Variants in EFHD1 observed in about 807,000 individuals in gnomAD.
The protein encoded by EFHD1 is EF-hand domain family member D1.
A neutral mutation model predicts 17.2 loss-of-function variants in EFHD1; 10 were observed. The ratio of observed to expected loss-of-function variants is 0.58; its 90% confidence interval spans 0.36 to 0.99. The LOEUF (loss-of-function observed/expected upper bound fraction) is 0.99, where lower values mean the gene tolerates loss of function less well. Ranked by LOEUF, EFHD1 falls within the 50% of genes least tolerant of loss-of-function variation. The pLI is 0.01. For synonymous variants in EFHD1, 153 were observed against 142.0 expected, an observed-to-expected ratio of 1.08 and a Z score of -0.55; for missense variants, 310 against 327.5, an observed-to-expected ratio of 0.95 and a Z score of 0.41.
intron 2 of EFHD1, among the ~76,000 whole-genome samples, chr2:232,663,381 TA>T (rs1242877448): frequency 6.6e-6 from 1 of 152,182 alleles, no homozygotes; most frequent in Non-Finnish European, 1.5e-5. Flanking sequence ...TTATTTTTAT[TA>T]TTATTTTTTG....
chr2:232,674,653 T>C (rs571564227), intron 3 of EFHD1, among the ~76,000 whole-genome samples: 6 of 152,306 alleles, frequency 3.9e-5, no homozygotes, highest in Non-Finnish European at 7.3e-5. Context: ...ATGATATCTT[T>C]GTAATTACAG....
At chr2:232,680,088 C>T (rs908506456) in intron 3 of EFHD1, among the ~76,000 whole-genome samples, 8 of 151,968 alleles carry the variant, frequency 5.3e-5, no homozygotes, top group South Asian at 4.2e-4. Context: ...GCCCGGGCAA[C>T]GTGGTAAAAC....
chr2:232,624,303 C>T (rs369620565), intron 1 of EFHD1, among the ~76,000 whole-genome samples: 17 of 152,340 alleles, frequency 1.1e-4, no homozygotes, highest in African/African-American at 3.4e-4. Flanking sequence ...CCCCCAGCCC[C>T]AGCTTGCCCC....
At chr2:232,659,409 GTGGC>G (rs1694817861) in intron 1 of EFHD1, among the ~76,000 whole-genome samples, 1 of 152,194 alleles carries the variant, frequency 6.6e-6, no homozygotes, top group Admixed American at 6.5e-5. Context: ...GGGGAAGCAG[GTGGC>G]TCCCTGAGCT....
chr2:232,641,676 G>C (rs1470482865), intron 1 of EFHD1, among the ~76,000 whole-genome samples: 1 of 152,248 alleles, frequency 6.6e-6, no homozygotes, highest in Non-Finnish European at 1.5e-5. Context: ...GTAACACTTG[G>C]TGAGCATGAT....
At chr2:232,671,127 G>A (rs1033347134) in intron 2 of EFHD1, among the ~76,000 whole-genome samples, 2 of 152,086 alleles carry the variant, frequency 1.3e-5, no homozygotes, top group African/African-American at 4.8e-5. Context: ...CTTATTTTCA[G>A]TAAACATTTC....
rs1450482859 is a variant in EFHD1 at position 232,613,703 on chromosome 2, CATACACACACAAAT to C, written c.14+7542_14+7555del. ...ACACACATACACAAATATACACACA[CATACACACACAAAT>C]ATACACACACATATACGCACACACA... On this transcript the variant is annotated intron_variant, in intron 1 of 3. Coordinates refer to the EFHD1 transcript ENST00000409613. 4.3e-5 allele frequency among the ~76,000 whole-genome samples: 5 copies of C among 115,342 alleles called. No homozygotes were observed. In the East Asian group the frequency reaches 7.9e-4, roughly 18 times the overall value. The allele number at this position is 115,342 out of a possible 152,430, so 75.7% of individuals were successfully genotyped here. A position where few individuals can be genotyped will look rare whatever the true frequency, so the allele number is the denominator to read the frequency against.
chr2:232,665,968 T>A (rs997353820), intron 2 of EFHD1, among the ~76,000 whole-genome samples: 1 of 152,202 alleles, frequency 6.6e-6, no homozygotes, highest in African/African-American at 2.4e-5. Flanking sequence ...ATTACAGGCA[T>A]GAGCCCCCAC....
intron 1 of EFHD1, among the ~76,000 whole-genome samples, chr2:232,627,129 G>A (rs1398401580): frequency 6.8e-6 from 1 of 147,228 alleles, no homozygotes; most frequent in African/African-American, 2.5e-5. Context: ...TACTAGGGAG[G>A]CTGAGGTAGG....
At chr2:232,634,449 A>C (rs1049361954) in intron 1 of EFHD1, among the ~76,000 whole-genome samples, 2 of 152,258 alleles carry the variant, frequency 1.3e-5, no homozygotes, top group African/African-American at 4.8e-5. Context: ...GGGGAAAGTT[A>C]ATCCTTGGCT....
upstream of EFHD1, among the ~76,000 whole-genome samples, chr2:232,632,649 A>G (rs984725072): frequency 1.3e-5 from 2 of 151,970 alleles, no homozygotes; most frequent in Non-Finnish European, 2.9e-5. Context: ...TTTTAGAGCC[A>G]GGGTCTCACT....
In EFHD1 at chr2:232,633,786, C is replaced by T; in HGVS notation, c.82C>T (p.Pro28Ser). The T allele has an allele frequency of 6.9e-7, 1 of 1,456,550 alleles. No homozygotes were observed. The highest frequency in any genetic ancestry group is 9.0e-7 in the Non-Finnish European group (1 of 1,112,834). The allele number at this position is 1,456,550 out of a possible 1,614,324, so 90.2% of individuals were successfully genotyped here. A position where few individuals can be genotyped will look rare whatever the true frequency, so the allele number is the denominator to read the frequency against. ...CGAGGAGAGTGGCCCCCAGCTGGCT[C>T]CCCTCGGCGCCCCAGCCCCGGAGCC... Reference protein sequence around the residue: ...EAEESGPQLAPLGAPAPEPKP... With the variant: ...EAEESGPQLASLGAPAPEPKP... The change falls in exon 1 of 4, where the codon CCC (proline) becomes TCC (serine). Residue 28 changes from proline to serine, a missense_variant. Coordinates refer to ENST00000264059, the MANE Select transcript of EFHD1 (RefSeq NM_025202.4).
At position 232,633,638 on chromosome 2, in the gene EFHD1, C is replaced by T. The variant is rs1694246772; in HGVS notation, c.-67C>T. On this transcript the variant is annotated 5_prime_UTR_variant, in exon 1 of 4. Transcript: ENST00000264059. ...TAGAGCCTCGAGCCTGCGAGGAGCGCGCCGCCCGCCAGCTCCCTGCGTCCC... is the reference window on the plus strand; with the variant it reads ...TAGAGCCTCGAGCCTGCGAGGAGCGTGCCGCCCGCCAGCTCCCTGCGTCCC... 2.2e-6 allele frequency: 3 copies of T among 1,358,736 alleles called. No individual in the cohort carries two copies. The highest frequency in any genetic ancestry group is 1.5e-5 in the African/African-American group (1 of 64,962). 84.2% of individuals were successfully genotyped at this position (1,358,736 alleles called of 1,614,324 possible). A position where few individuals can be genotyped will look rare whatever the true frequency, so the allele number is the denominator to read the frequency against.
intron 3 of EFHD1, among the ~76,000 whole-genome samples, chr2:232,679,651 C>T (rs1290328921): frequency 6.7e-6 from 1 of 149,434 alleles, no homozygotes; most frequent in East Asian, 2.0e-4. Flanking sequence ...GAGTTCGAGG[C>T]TGCAGTGAAC....
intron 1 of EFHD1, among the ~76,000 whole-genome samples, chr2:232,659,142 C>G (rs144021843): frequency 4.6e-5 from 7 of 152,102 alleles, no homozygotes; most frequent in African/African-American, 7.2e-5. Context: ...TCATCCTTCA[C>G]GGTTCCTCAA....
chr2:232,629,793 T>C (rs952614865), upstream of EFHD1, among the ~76,000 whole-genome samples: 2 of 151,854 alleles, frequency 1.3e-5, no homozygotes, highest in African/African-American at 2.4e-5. Flanking sequence ...ATTTAAAAAA[T>C]GAAAATGAAA....
At position 232,653,290 on chromosome 2, in the gene EFHD1, G is replaced by C. The variant is rs575055925; in HGVS notation, c.303-9512G>C. ...TTACAGGCATGAGCCACTGTGCCCAGCTGGTTTTTTCTTTTTTCAAGATGG... is the reference window on the plus strand; with the variant it reads ...TTACAGGCATGAGCCACTGTGCCCACCTGGTTTTTTCTTTTTTCAAGATGG... On this transcript the variant is annotated intron_variant, in intron 1 of 3. Coordinates refer to ENST00000264059, the MANE Select transcript of EFHD1 (RefSeq NM_025202.4). 7.2e-5 allele frequency among the ~76,000 whole-genome samples: 11 copies of C among 152,152 alleles called. No individual in the cohort carries two copies. In the East Asian group the frequency reaches 1.7e-3, roughly 24 times the overall value.
chr2:232,606,646 G>A (rs1475309715), intron 1 of EFHD1: 2 of 169,508 alleles, frequency 1.2e-5, no homozygotes, highest in Non-Finnish European at 2.6e-5. Context: ...CAGCACTTTG[G>A]GAGGCTGAGG....
chr2:232,657,022 C>G (rs116392966), intron 1 of EFHD1, among the ~76,000 whole-genome samples: 2,304 of 152,312 alleles, frequency 0.015, 52 homozygotes, highest in African/African-American at 0.052. Context: ...TCAAGTGATT[C>G]TCCTGCCTGG....
Sources: allele counts gnomAD v4.1 joint callset (sites outside exome capture counted in the v4.1 genomes callset), GRCh38; gene constraint gnomAD v4.1.1; transcripts MANE v1.5; gene names NCBI Gene and HGNC (gene_info 2026-07-23, HGNC 2026-07-21).